Variants in TAFA1 observed in about 807,000 individuals in gnomAD.
The protein encoded by TAFA1 is TAFA chemokine like family member 1.
TAFA1 carries 4 observed loss-of-function variants against 18.5 expected under a neutral mutation model. The ratio of observed to expected loss-of-function variants is 0.22; its 90% CI spans 0.11 to 0.49. TAFA1 has a LOEUF of 0.49. TAFA1 is among the 20% of genes least tolerant of loss of function. The pLI is 0.98. For missense variants in TAFA1, 147 were observed against 169.0 expected, an observed-to-expected ratio of 0.87 and a Z score of 0.72; for synonymous variants, 56 against 55.2, an observed-to-expected ratio of 1.01 and a Z score of -0.06.
chr3:68,018,695 G>A (rs908565461), intron 2 of TAFA1, among the ~76,000 whole-genome samples: 2 of 152,130 alleles, frequency 1.3e-5, no homozygotes, highest in African/African-American at 4.8e-5. Flanking sequence ...ATGAAGGAAC[G>A]ATCTTAAGCA....
intron 2 of TAFA1, among the ~76,000 whole-genome samples, chr3:68,397,677 C>T (rs1415653678): frequency 3.3e-5 from 5 of 151,978 alleles, no homozygotes; most frequent in Non-Finnish European, 7.4e-5. Flanking sequence ...GAGTGTATAC[C>T]CAGTAATGGG....
At chr3:68,500,499 T>C (rs2072638333) in intron 3 of TAFA1, among the ~76,000 whole-genome samples, 1 of 152,094 alleles carries the variant, frequency 6.6e-6, no homozygotes, top group Admixed American at 6.6e-5. Flanking sequence ...TGAGGAGCAG[T>C]ACTCTAAACT....
intron 2 of TAFA1, among the ~76,000 whole-genome samples, chr3:68,416,157 A>C (rs1274673792): frequency 6.6e-6 from 1 of 152,152 alleles, no homozygotes; most frequent in Non-Finnish European, 1.5e-5. Flanking sequence ...CCCCACCACC[A>C]CTGCACTGAG....
chr3:68,431,100 A>G (rs1008711359), intron 3 of TAFA1, among the ~76,000 whole-genome samples: 2 of 151,914 alleles, frequency 1.3e-5, no homozygotes, highest in African/African-American at 4.8e-5. Context: ...ACCCCCTACA[A>G]AAGCCTCTAT....
At chr3:68,479,902 A>C (rs1447229629) in intron 3 of TAFA1, among the ~76,000 whole-genome samples, 4 of 152,080 alleles carry the variant, frequency 2.6e-5, no homozygotes. Context: ...ACACAAACAC[A>C]CACATCACCA....
intron 3 of TAFA1, among the ~76,000 whole-genome samples, chr3:68,515,112 G>A (rs947359236): frequency 5.3e-5 from 8 of 152,168 alleles, no homozygotes. Context: ...GATCAGCTGG[G>A]ATGATCAACT....
chr3:68,150,014 A>C (rs930214726), intron 2 of TAFA1, among the ~76,000 whole-genome samples: 6 of 152,204 alleles, frequency 3.9e-5, no homozygotes, highest in Admixed American at 3.3e-4. Flanking sequence ...GTAATGAAGC[A>C]AGGTCTCTTG....
intron 2 of TAFA1, among the ~76,000 whole-genome samples, chr3:68,265,476 A>T (rs2067524061): frequency 6.6e-6 from 1 of 152,208 alleles, no homozygotes; most frequent in African/African-American, 2.4e-5. Flanking sequence ...ACTTTTGTCA[A>T]GGTTTATCCA....
At chr3:68,354,471 A>G (rs987231663) in intron 2 of TAFA1, among the ~76,000 whole-genome samples, 4 of 151,970 alleles carry the variant, frequency 2.6e-5, no homozygotes, top group African/African-American at 7.2e-5. Flanking sequence ...CCAGACAATG[A>G]GACCAACTGA....
intron 2 of TAFA1, among the ~76,000 whole-genome samples, chr3:68,171,960 C>G (rs2106960853): frequency 1.3e-5 from 2 of 152,008 alleles, no homozygotes; most frequent in South Asian, 2.1e-4. Flanking sequence ...GTGTTTAAAC[C>G]TTAGGATCCC....
chr3:68,249,812 T>A (rs1300747026), intron 2 of TAFA1, among the ~76,000 whole-genome samples: 2 of 152,150 alleles, frequency 1.3e-5, no homozygotes, highest in Admixed American at 1.3e-4. Flanking sequence ...TGACCCAATA[T>A]GAAGCCCTGA....
At position 68,425,701 on chromosome 3, in the gene TAFA1, G is replaced by A. The variant is rs796648793; in HGVS notation, c.259+8281G>A. 1.9e-4 allele frequency among the ~76,000 whole-genome samples: 29 copies of A among 152,044 alleles called. 1 individual carries two copies. The highest frequency in any genetic ancestry group is 6.3e-4 in the African/African-American group (26 of 41,524). ...TTTGTTCCTCCTAATAAAGACAGCTGGAATTCAGTCATCATATGTATCTAT... is the reference window on the plus strand; with the variant it reads ...TTTGTTCCTCCTAATAAAGACAGCTAGAATTCAGTCATCATATGTATCTAT... On this transcript the variant is annotated intron_variant, in intron 3 of 4. Transcript: ENST00000478136.
At chr3:68,433,122 C>A (rs922726205) in intron 3 of TAFA1, among the ~76,000 whole-genome samples, 1 of 152,044 alleles carries the variant, frequency 6.6e-6, no homozygotes, top group African/African-American at 2.4e-5. Flanking sequence ...CACACATTTC[C>A]ACCAGTCTGC....
At chr3:68,041,316 CA>C (rs1168650701) in intron 2 of TAFA1, among the ~76,000 whole-genome samples, 2 of 152,058 alleles carry the variant, frequency 1.3e-5, no homozygotes, top group African/African-American at 4.8e-5. Context: ...TTTGGGTTAC[CA>C]AAATTCAGTT....
At chr3:68,340,152 A>G (rs572069406) in intron 2 of TAFA1, among the ~76,000 whole-genome samples, 29 of 152,342 alleles carry the variant, frequency 1.9e-4, no homozygotes, top group African/African-American at 6.3e-4. Flanking sequence ...TTTGACATAC[A>G]TGCAAATTGA....
At chr3:68,116,618 C>T (rs1241521722) in intron 2 of TAFA1, among the ~76,000 whole-genome samples, 1 of 152,132 alleles carries the variant, frequency 6.6e-6, no homozygotes, top group Non-Finnish European at 1.5e-5. Flanking sequence ...CAAGCTCTAC[C>T]CTAGTTTCAG....
chr3:68,535,610 AC>A (rs1232718533), intron 3 of TAFA1, among the ~76,000 whole-genome samples: 1 of 152,184 alleles, frequency 6.6e-6, no homozygotes, highest in Admixed American at 6.5e-5. Context: ...TGGCAAAATT[AC>A]CCTTGAGAAG....
intron 2 of TAFA1, among the ~76,000 whole-genome samples, chr3:68,109,293 A>T (rs1263292251): frequency 6.6e-6 from 1 of 152,154 alleles, no homozygotes; most frequent in East Asian, 1.9e-4. Flanking sequence ...CTGATGATTT[A>T]TGTGTAAGAT....
chr3:68,298,636 C>A (rs956659024), intron 2 of TAFA1, among the ~76,000 whole-genome samples: 1 of 152,166 alleles, frequency 6.6e-6, no homozygotes, highest in South Asian at 2.1e-4. Flanking sequence ...CCCCTGTGCT[C>A]TTCTTGTGAT....
Sources: allele counts gnomAD v4.1 joint callset (sites outside exome capture counted in the v4.1 genomes callset), GRCh38; gene constraint gnomAD v4.1.1; transcripts MANE v1.5; gene names NCBI Gene and HGNC (gene_info 2026-07-23, HGNC 2026-07-21).